Variants in ANKRD30B observed in about 807,000 individuals in gnomAD.
The protein encoded by ANKRD30B is ankyrin repeat domain-containing protein 30B.
ANKRD30B carries 144 observed loss-of-function variants against 202.2 expected under a neutral mutation model. The ratio of observed to expected loss-of-function variants is 0.71; its 90% CI spans 0.62 to 0.82. The LOEUF (loss-of-function observed/expected upper bound fraction) is 0.82, where lower values mean the gene tolerates loss of function less well. Among genes scored for constraint, ANKRD30B ranks in the 40% least tolerant of loss-of-function variants. ANKRD30B has a pLI of 0.00. For synonymous variants in ANKRD30B, 508 were observed against 561.3 expected, an observed-to-expected ratio of 0.91 and a Z score of 1.34; for missense variants, 1,487 against 1,669.1, an observed-to-expected ratio of 0.89 and a Z score of 1.90.
In ANKRD30B at chr18:14,796,337, A is replaced by G; in HGVS notation, c.1855-6A>G. 1.3e-6 allele frequency: 2 copies of G among 1,599,068 alleles called. No homozygotes were observed. The highest frequency in any genetic ancestry group is 8.5e-7 in the Non-Finnish European group (1 of 1,171,690). ...TATTAATTTTTGTGTTTCCAAACCC[A>G]TTTAGCCTACCTGTGGAAGGAAAGT... On this transcript the variant is annotated splice_region_variant and splice_polypyrimidine_tract_variant and intron_variant, in intron 17 of 43. Transcript: ENST00000690538.
At chr18:14,928,902 A>C in the ANKRD30B span, among the ~76,000 whole-genome samples, 1 of 152,144 alleles carries the variant, frequency 6.6e-6, no homozygotes, top group South Asian at 2.1e-4. Flanking sequence ...GTACTTCCCT[A>C]CCTTTGGTCA....
the ANKRD30B span, among the ~76,000 whole-genome samples, chr18:14,914,887 C>T: frequency 2.6e-3 from 388 of 152,112 alleles, 1 homozygote; most frequent in African/African-American, 8.9e-3. Flanking sequence ...GAGGTCTGGA[C>T]GAGAGACAAC....
chr18:14,909,857 A>T, the ANKRD30B span: 12 of 152,286 alleles, frequency 7.9e-5, no homozygotes, highest in East Asian at 1.7e-3. Flanking sequence ...CAATACTAGC[A>T]TCTACTTTGT....
chr18:14,782,731 G>A, intron 12 of ANKRD30B, 117 bp downstream of exon 12: 1 of 557,624 alleles, frequency 1.8e-6, no homozygotes. Flanking sequence ...ACATCGAAAA[G>A]AGAGGAGTAA....
In ANKRD30B at chr18:14,803,756, A is replaced by G; in HGVS notation, c.2216A>G (p.Gln739Arg). Residue 739 changes from glutamine to arginine, a missense_variant, in exon 24 of 44, where the codon CAG becomes CGG. This residue lies in a region of ANKRD30B where 218 missense variants were observed against 320.1 expected (regional missense o/e 0.68). Transcript: ENST00000690538. ...DFESFLETLLQNDVCLPKATH... is the reference protein window; with the variant it reads ...DFESFLETLLRNDVCLPKATH... Reference sequence around the variant, plus strand: ...CAGAGTTTCCTTGAGACTCTCTTACAGAATGATGTGTGTTTACCCAAGGCT... The same window carrying G: ...CAGAGTTTCCTTGAGACTCTCTTACGGAATGATGTGTGTTTACCCAAGGCT... 6.2e-7 allele frequency: 1 copy of G among 1,606,474 alleles called. No homozygotes were observed. Among genetic ancestry groups the G allele is most frequent in the Non-Finnish European group, 8.5e-7 (1 of 1,177,788 alleles).
intron 3 of ANKRD30B, among the ~76,000 whole-genome samples, chr18:14,754,191 G>C (rs1183999070): frequency 6.6e-6 from 1 of 152,126 alleles, no homozygotes; most frequent in Non-Finnish European, 1.5e-5. Context: ...TAGAGCAGGA[G>C]TGCCTGACAT....
intron 11 of ANKRD30B, among the ~76,000 whole-genome samples, chr18:14,781,775 AAC>A (rs1967768642): frequency 6.6e-6 from 1 of 152,148 alleles, no homozygotes; most frequent in South Asian, 2.1e-4. Context: ...GAGTTCTGTG[AAC>A]AGTTGCCACT....
chr18:14,790,718 C>T (rs948382652), intron 15 of ANKRD30B, among the ~76,000 whole-genome samples: 1 of 152,002 alleles, frequency 6.6e-6, no homozygotes, highest in Admixed American at 6.6e-5. Context: ...ATTGAACCAG[C>T]CTTGCATCCC....
chr18:14,928,609 C>G, the ANKRD30B span, among the ~76,000 whole-genome samples: 1 of 152,136 alleles, frequency 6.6e-6, no homozygotes. Flanking sequence ...GGAACTTGTA[C>G]CACTGGTTAT....
intron 4 of ANKRD30B, among the ~76,000 whole-genome samples, chr18:14,757,474 G>A (rs1305333022): frequency 6.6e-6 from 1 of 152,086 alleles, no homozygotes; most frequent in Non-Finnish European, 1.5e-5. Context: ...GCTCTCTCTT[G>A]TCTGACTTCT....
chr18:14,860,309 C>T, the ANKRD30B span, among the ~76,000 whole-genome samples: 418 of 117,480 alleles, frequency 3.6e-3, 3 homozygotes, highest in African/African-American at 0.01. Flanking sequence ...ACAACCCAGA[C>T]GGGGCAGCCA....
intron 16 of ANKRD30B, among the ~76,000 whole-genome samples, chr18:14,792,534 G>C (rs185561537): frequency 3.3e-5 from 5 of 152,212 alleles, no homozygotes; most frequent in African/African-American, 1.2e-4. Context: ...CAGGGGACAA[G>C]AGAGAAGCCA....
intron 18 of ANKRD30B, 115 bp downstream of exon 18, chr18:14,796,530 G>A: frequency 7.9e-7 from 1 of 1,270,724 alleles, no homozygotes; most frequent in Non-Finnish European, 1.1e-6. Context: ...GGGAAAATTT[G>A]AAACAAATAA....
At chr18:14,808,411 A>C in intron 24 of ANKRD30B, 140 bp from the exon 25 acceptor site, 2 of 914,826 alleles carry the variant, frequency 2.2e-6, no homozygotes, top group Admixed American at 2.0e-5. Context: ...AAATACAAAA[A>C]CCCAAAAGAC....
chr18:14,799,012 G>T, intron 20 of ANKRD30B, 89 bp from the exon 21 acceptor site: 1 of 1,271,260 alleles, frequency 7.9e-7, no homozygotes, highest in South Asian at 1.2e-5. Flanking sequence ...GCATCATGAG[G>T]ATTCGTCTTC....
the ANKRD30B span, among the ~76,000 whole-genome samples, chr18:14,872,612 G>C: frequency 6.6e-6 from 1 of 151,898 alleles, no homozygotes; most frequent in Non-Finnish European, 1.5e-5. Context: ...TTTTAATTAT[G>C]GTTCTCCTTT....
At chr18:14,783,731 A>T (rs1042234924) in intron 12 of ANKRD30B, among the ~76,000 whole-genome samples, 15 of 152,138 alleles carry the variant, frequency 9.9e-5, no homozygotes, top group Admixed American at 2.6e-4. Flanking sequence ...TTCCATGATG[A>T]GTTTTATACA....
intron 34 of ANKRD30B, among the ~76,000 whole-genome samples, chr18:14,832,795 A>C (rs1300376192): frequency 6.6e-6 from 1 of 152,234 alleles, no homozygotes; most frequent in East Asian, 1.9e-4. Flanking sequence ...TCTTGAGAAA[A>C]TATGTCATAA....
chr18:14,808,928 T>C (rs938943328), intron 26 of ANKRD30B, among the ~76,000 whole-genome samples, 184 bp downstream of exon 26: 6 of 150,630 alleles, frequency 4.0e-5, no homozygotes, highest in African/African-American at 1.5e-4. Context: ...GATTTAGAGA[T>C]AAAAAAAATT....
Sources: allele counts gnomAD v4.1 joint callset (sites outside exome capture counted in the v4.1 genomes callset), GRCh38; gene constraint gnomAD v4.1.1; regional missense constraint gnomAD v4.1.1; transcripts MANE v1.5; gene names NCBI Gene and HGNC (gene_info 2026-07-23, HGNC 2026-07-21).